The following ANKS6 variants were observed in gnomAD, a reference collection of about 807,000 sequenced individuals.
The protein encoded by ANKS6 is ankyrin repeat and SAM domain-containing protein 6.
ANKS6 carries 47 observed loss-of-function variants against 77.9 expected under a neutral mutation model. The ratio of observed to expected loss-of-function variants is 0.60; its 90% CI spans 0.48 to 0.77. ANKS6 has a LOEUF of 0.77. Ranked by LOEUF, ANKS6 falls within the 30% of genes least tolerant of loss-of-function variation. The pLI is 0.00. For synonymous variants in ANKS6, 488 were observed against 501.7 expected (o/e 0.97, Z 0.37); for missense variants, 1,150 against 1,159.1 (o/e 0.99, Z 0.11).
rs1834033478 is a variant in ANKS6, at chr9:98,778,350, G to A, written c.1443C>T (p.Ser481=). 1.9e-6 allele frequency: 3 copies of A among 1,614,196 alleles called. No homozygotes were observed. The highest frequency in any genetic ancestry group is 2.5e-6 in the Non-Finnish European group (3 of 1,180,038). Residue 481 remains serine (S), a synonymous_variant, in exon 7 of 15, where the codon AGC becomes AGT. Transcript: ENST00000353234. ...LMQTLPRGLS[S]NQPLPFSDEP... Reference sequence around the variant, plus strand: ...CGTCAGAGAAAGGCAAAGGCTGGTTGCTGGACAGCCCACGGGGCAGCGTCT... The same window carrying A: ...CGTCAGAGAAAGGCAAAGGCTGGTTACTGGACAGCCCACGGGGCAGCGTCT...
intron 13 of ANKS6, among the ~76,000 whole-genome samples, chr9:98,749,109 A>G (rs1832294937): frequency 6.6e-6 from 1 of 152,160 alleles, no homozygotes; most frequent in Non-Finnish European, 1.5e-5. Flanking sequence ...GTCCATATAG[A>G]GAGTGCACCC....
chr9:98,738,573 A>T (rs987026160), intron 14 of ANKS6, among the ~76,000 whole-genome samples: 1 of 150,320 alleles, frequency 6.7e-6, no homozygotes, highest in African/African-American at 2.4e-5. Flanking sequence ...CATAACAAAA[A>T]AATAAAATAA....
chr9:98,751,705 G>A (rs1224092148), intron 12 of ANKS6, among the ~76,000 whole-genome samples: 1 of 152,176 alleles, frequency 6.6e-6, no homozygotes, highest in African/African-American at 2.4e-5. Context: ...TGAGGGGCTT[G>A]GAGAAATATT....
intron 2 of ANKS6, among the ~76,000 whole-genome samples, chr9:98,787,082 A>C (rs956125014): frequency 5.4e-4 from 82 of 152,304 alleles, no homozygotes; most frequent in African/African-American, 1.8e-3. Flanking sequence ...TCCTGCTGCT[A>C]ATGAAAGGCA....
At chr9:98,746,068 C>T (rs1832112845) in intron 13 of ANKS6, 1 of 178,658 alleles carries the variant, frequency 5.6e-6, no homozygotes, top group Admixed American at 5.7e-5. Context: ...ACCTCATCTC[C>T]CTCACCACGC....
chr9:98,765,098 G>T (rs1389601234), intron 11 of ANKS6, among the ~76,000 whole-genome samples: 1 of 152,140 alleles, frequency 6.6e-6, no homozygotes, highest in East Asian at 1.9e-4. Flanking sequence ...CAAAAAGCTG[G>T]CTATACTACT....
chr9:98,772,438 G>A (rs886238241), intron 9 of ANKS6, among the ~76,000 whole-genome samples: 1 of 152,184 alleles, frequency 6.6e-6, no homozygotes, highest in East Asian at 1.9e-4. Context: ...CTTTCTGCCT[G>A]CAGGACTGTG....
At chr9:98,741,843 T>C (rs745313727) in intron 14 of ANKS6, among the ~76,000 whole-genome samples, 2 of 152,192 alleles carry the variant, frequency 1.3e-5, no homozygotes, top group Non-Finnish European at 2.9e-5. Context: ...ATGAGCCAGG[T>C]TTTTAGTTAA....
Position 98,790,257 on chromosome 9 carries a change from G to A in ANKS6, c.709C>T (p.Arg237Trp), listed in dbSNP as rs774791111. The change falls in exon 2 of 15, where the codon CGG (arginine) becomes TGG (tryptophan). Residue 237 changes from arginine to tryptophan, a missense_variant. Arg to Trp is a moderately radical substitution (Grantham distance 101, BLOSUM62 -3). Coordinates refer to ENST00000353234, the MANE Select transcript of ANKS6 (RefSeq NM_173551.5). ...ACCAGCTGCTGGGCCACTCCAAGCCGCCCAGTGAGTGCGGCCAGCATCAGC... is the reference window on the plus strand; with the variant it reads ...ACCAGCTGCTGGGCCACTCCAAGCCACCCAGTGAGTGCGGCCAGCATCAGC... ...SPLMLAALTG[R>W]LGVAQQLVEK... is the part of the protein sequence containing the mutation. 21 of 1,605,152 alleles carry A rather than the reference G, an allele frequency of 1.3e-5. No individual in the cohort carries two copies. The highest frequency in any genetic ancestry group is 1.6e-5 in the Non-Finnish European group (19 of 1,174,098).
chr9:98,765,480 T>A lies in ANKS6; in HGVS notation c.2142+2601A>T, dbSNP rs538804085. ...GCCTTCAGCCACTGCCCTGAGAACA[T>A]GTCCAAGCTTGTTGTAGACACATGT... On this transcript the variant is annotated intron_variant, in intron 11 of 14. Coordinates refer to ENST00000353234, the MANE Select transcript of ANKS6 (RefSeq NM_173551.5). Among the ~76,000 whole-genome samples the A allele has an allele frequency of 5.3e-5, 8 of 152,290 alleles. No individual in the cohort carries two copies. The South Asian group carries it at 1.7e-3, about 32-fold the overall frequency.
chr9:98,788,435 G>C (rs1390218147), intron 2 of ANKS6, among the ~76,000 whole-genome samples: 1 of 152,196 alleles, frequency 6.6e-6, no homozygotes, highest in African/African-American at 2.4e-5. Context: ...GGGCACGGCA[G>C]GGCCTGGGAA....
chr9:98,778,388 G>A lies in ANKS6; in HGVS notation c.1405C>T (p.Leu469Phe). ...WNRMSNRFRKLKLMQTLPRGL... is the reference protein window; with the variant it reads ...WNRMSNRFRKFKLMQTLPRGL... Reference sequence around the variant, plus strand: ...CGGGGCAGCGTCTGCATCAGTTTGAGCTTTCGGAACCGATTGGACATTCGG... The same window carrying A: ...CGGGGCAGCGTCTGCATCAGTTTGAACTTTCGGAACCGATTGGACATTCGG... The change falls in exon 7 of 15, where the codon CTC (leucine) becomes TTC (phenylalanine). Residue 469 changes from leucine to phenylalanine, a missense_variant. Coordinates refer to ENST00000353234, the MANE Select transcript of ANKS6 (RefSeq NM_173551.5). 1 of 1,614,178 alleles carries A rather than the reference G, an allele frequency of 6.2e-7. No individual in the cohort carries two copies. Among genetic ancestry groups the A allele is most frequent in the Non-Finnish European group, 8.5e-7 (1 of 1,180,040 alleles).
At chr9:98,747,415 A>G (rs1049322317) in intron 13 of ANKS6, among the ~76,000 whole-genome samples, 5 of 151,076 alleles carry the variant, frequency 3.3e-5, no homozygotes, top group Non-Finnish European at 7.4e-5. Context: ...GCCAGGTTTG[A>G]GTCACTGGGG....
chr9:98,774,046 C>G lies in ANKS6; in HGVS notation c.1652G>C (p.Ser551Thr), dbSNP rs765991103. The change falls in exon 9 of 15, where the codon AGT (serine) becomes ACT (threonine). Residue 551 changes from serine (S) to threonine (T), a missense_variant. Ser to Thr is a moderately conservative substitution (Grantham distance 58). Transcript: ENST00000353234. Reference sequence around the variant, plus strand: ...GGGGATGACTGCTTTCAGCTTGTCACTCGGGAGTCTGGTGAGGGGAGCTCC... The same window carrying G: ...GGGGATGACTGCTTTCAGCTTGTCAGTCGGGAGTCTGGTGAGGGGAGCTCC... ...RNGAPLTRLP[S>T]DKLKAVIPPF... 6.5e-7 allele frequency: 1 copy of G among 1,549,416 alleles called. No individual in the cohort carries two copies. Among genetic ancestry groups the G allele is most frequent in the Non-Finnish European group, 8.7e-7 (1 of 1,145,926 alleles).
intron 13 of ANKS6, among the ~76,000 whole-genome samples, chr9:98,746,746 G>T (rs1832156865): frequency 6.6e-6 from 1 of 152,158 alleles, no homozygotes; most frequent in South Asian, 2.1e-4. Flanking sequence ...TTTCCTGAGG[G>T]CAGTAGCCCC....
rs745679879 is a variant in ANKS6, at chr9:98,773,889, C to A, written c.1809G>T (p.Gly603=). ...RASRGHPVGG[G]GTDTTPVRPV... The stretch of plus-strand genomic sequence containing the variant: ...GAAGACAACTTACAGTGTCTGTGCC[C>A]CCGCCGCCCACGGGGTGGCCCCTGC... The change falls in exon 9 of 15, where the codon GGG becomes GGT. Residue 603 remains glycine (G), a synonymous_variant. Coordinates refer to ENST00000353234, the MANE Select transcript of ANKS6 (RefSeq NM_173551.5). The A allele has an allele frequency of 5.1e-6, 8 of 1,561,738 alleles. No individual in the cohort carries two copies. The highest frequency in any genetic ancestry group is 6.9e-6 in the Non-Finnish European group (8 of 1,160,268).
intron 11 of ANKS6, among the ~76,000 whole-genome samples, chr9:98,757,138 C>T (rs1244369605): frequency 6.6e-6 from 1 of 152,174 alleles, no homozygotes; most frequent in African/African-American, 2.4e-5. Flanking sequence ...GAACAGAGTT[C>T]CCACATACCC....
rs142172576 is a variant in ANKS6 at position 98,793,371 on chromosome 9, T to C, written c.359+2762A>G. 8.5e-5 allele frequency among the ~76,000 whole-genome samples: 13 copies of C among 152,368 alleles called. No homozygotes were observed. In the East Asian group the frequency reaches 1.4e-3, roughly 16 times the overall value. On this transcript the variant is annotated intron_variant, in intron 1 of 14. Transcript: ENST00000353234. ...TTACTTGAGCAAGTTATTTAACTTC[T>C]CTGTTCCTCAATTCCTCATTTATGA...
chr9:98,763,650 G>A (rs1187932123), intron 11 of ANKS6, among the ~76,000 whole-genome samples: 1 of 151,810 alleles, frequency 6.6e-6, no homozygotes, highest in East Asian at 1.9e-4. Context: ...CAATTAAATT[G>A]AAAACAGAAA....
Sources: allele counts gnomAD v4.1 joint callset (sites outside exome capture counted in the v4.1 genomes callset), GRCh38; gene constraint gnomAD v4.1.1; transcripts MANE v1.5; gene names NCBI Gene and HGNC (gene_info 2026-07-23, HGNC 2026-07-21).